The following ITPRIP variants were observed in gnomAD, a reference collection of about 807,000 sequenced individuals.
ITPRIP encodes the protein inositol 1,4,5-trisphosphate receptor interacting protein.
Under a neutral mutation model 35.8 loss-of-function variants are expected in ITPRIP, and 32 were observed. That is an observed-to-expected ratio of 0.89 (90% CI 0.68 to 1.20). The LOEUF (loss-of-function observed/expected upper bound fraction) is 1.20. ITPRIP is among the 50% of genes most tolerant of loss of function. The pLI, the probability that ITPRIP is intolerant of heterozygous loss-of-function variation, is 0.00. For missense variants in ITPRIP, 653 were observed against 735.6 expected (o/e 0.89, Z 1.30); for synonymous variants, 358 against 324.0 (o/e 1.11, Z -1.13).
intron 1 of ITPRIP, among the ~76,000 whole-genome samples, chr10:104,337,120 G>C (rs150289732): frequency 2.4e-4 from 36 of 152,304 alleles, no homozygotes; most frequent in Middle Eastern, 6.8e-3. Context: ...TTCTGTTTTC[G>C]TAAGGAGGAA....
rs980423478 is a variant in ITPRIP at position 104,309,746 on chromosome 10, A to G, written c.*4662T>C. On this transcript the variant is annotated 3_prime_UTR_variant, in exon 2 of 2. Transcript: ENST00000337478. ...AAAAAAGGACTAAAAGGATGCATAT[A>G]TATATACATACATGTGACACATACA... The G allele has an allele frequency of 1.3e-5, 2 of 152,200 alleles. No homozygotes were observed. Among genetic ancestry groups the G allele is most frequent in the Non-Finnish European group, 1.5e-5 (1 of 68,038 alleles). 9.4% of individuals were successfully genotyped at this position (152,200 alleles called of 1,614,324 possible).
At chr10:104,317,928 A>AG (rs2013731819) in intron 1 of ITPRIP, among the ~76,000 whole-genome samples, 1 of 152,208 alleles carries the variant, frequency 6.6e-6, no homozygotes, top group Non-Finnish European at 1.5e-5. Flanking sequence ...GTTCCACCCC[A>AG]TACACAGCTG....
At position 104,315,414 on chromosome 10, in the gene ITPRIP, G is replaced by A; in HGVS notation, c.638C>T (p.Pro213Leu). 6.3e-7 allele frequency: 1 copy of A among 1,588,750 alleles called. No homozygotes were observed. The highest frequency in any genetic ancestry group is 8.6e-7 in the Non-Finnish European group (1 of 1,164,454). ...DRPLLCHLFV[P>L]FTPPEPYRFH... ...GCGGTAGGGCTCGGGGGGTGTGAAG[G>A]GCACGAAAAGGTGGCACAGCAGTGG... is the stretch of plus-strand genomic sequence containing the variant. The change falls in exon 2 of 2, where the codon CCC becomes CTC. Residue 213 changes from proline to leucine, a missense_variant. By Grantham distance (98) the Pro-to-Leu change is moderately conservative. Coordinates refer to ENST00000337478, the MANE Select transcript of ITPRIP (RefSeq NM_001272013.2). This position sits in a 1 kb window ranked among gnomAD's most constrained non-coding sequence, Gnocchi z 5.7.
intron 1 of ITPRIP, among the ~76,000 whole-genome samples, chr10:104,319,792 C>G (rs1382399319): frequency 6.6e-6 from 1 of 151,896 alleles, no homozygotes; most frequent in Non-Finnish European, 1.5e-5. Context: ...GTCCTGCAGG[C>G]CAAGAGGATT....
At position 104,313,811 on chromosome 10, in the gene ITPRIP, G is replaced by A. The variant is rs553396678; in HGVS notation, c.*597C>T. 110 of 985,502 alleles carry A rather than the reference G, an allele frequency of 1.1e-4. No individual in the cohort carries two copies. The South Asian group carries it at 1.5e-3, about 13-fold the overall frequency. The allele number at this position is 985,502 out of a possible 1,614,324, so 61.0% of individuals were successfully genotyped here. On this transcript the variant is annotated 3_prime_UTR_variant, in exon 2 of 2. Transcript: ENST00000337478. ...CGTGTGACAGAGACGTTAGTCATTT[G>A]GGCCTCGAATTTATACAAGGTCTTT...
intron 1 of ITPRIP, among the ~76,000 whole-genome samples, chr10:104,322,417 G>A (rs545033711): frequency 3.2e-4 from 48 of 152,340 alleles, no homozygotes; most frequent in Non-Finnish European, 5.7e-4. Flanking sequence ...GGTTCTCAAC[G>A]TGCTTAGCAG....
intron 1 of ITPRIP, among the ~76,000 whole-genome samples, chr10:104,322,052 T>C (rs2013862476): frequency 6.6e-6 from 1 of 152,074 alleles, no homozygotes; most frequent in Non-Finnish European, 1.5e-5. Flanking sequence ...GAATGAGATG[T>C]GGGGCATAAA....
chr10:104,310,630 A>G lies in ITPRIP; in HGVS notation c.*3778T>C, dbSNP rs796399271. ...AGCAGGGAGGATAAGAATAGCACCT[A>G]CATCATAGGACTGACATGGAACTGT... is the stretch of plus-strand genomic sequence containing the variant. On this transcript the variant is annotated 3_prime_UTR_variant, in exon 2 of 2. Coordinates refer to ENST00000337478, the MANE Select transcript of ITPRIP (RefSeq NM_001272013.2). The G allele has an allele frequency of 5.9e-5, 9 of 152,270 alleles. No homozygotes were observed. Among genetic ancestry groups the G allele is most frequent in the African/African-American group, 1.9e-4 (8 of 41,548 alleles). The allele number at this position is 152,270 out of a possible 1,614,324, so 9.4% of individuals were successfully genotyped here.
chr10:104,328,483 C>T lies in ITPRIP; in HGVS notation c.-14+9763G>A, dbSNP rs2014079128. On this transcript the variant is annotated intron_variant, in intron 1 of 1. Coordinates refer to ENST00000337478, the MANE Select transcript of ITPRIP (RefSeq NM_001272013.2). The surrounding 1 kb of genome is among the most constrained non-coding windows in gnomAD (Gnocchi z 4.1). The stretch of plus-strand genomic sequence containing the variant: ...GCAAAACCACACTTTCTCAGTGGGA[C>T]AGGGAGGGGAGGCTGCACGCTTAGA... 6.6e-6 allele frequency among the ~76,000 whole-genome samples: 1 copy of T among 152,118 alleles called. No individual in the cohort carries two copies. Among genetic ancestry groups the T allele is most frequent in the South Asian group, 2.1e-4 (1 of 4,826 alleles).
chr10:104,329,815 C>G (rs1422439096), intron 1 of ITPRIP, among the ~76,000 whole-genome samples: 1 of 152,208 alleles, frequency 6.6e-6, no homozygotes, highest in African/African-American at 2.4e-5. Context: ...AGTCACTCGG[C>G]AGTGCTTGGT....
chr10:104,321,042 G>A (rs2013832827), intron 1 of ITPRIP, among the ~76,000 whole-genome samples: 1 of 152,170 alleles, frequency 6.6e-6, no homozygotes, highest in African/African-American at 2.4e-5. Flanking sequence ...GGGTAGTGAG[G>A]AGCCTCTCAC....
intron 1 of ITPRIP, among the ~76,000 whole-genome samples, chr10:104,334,385 T>C (rs188352149): frequency 1.8e-3 from 267 of 152,318 alleles, no homozygotes; most frequent in Non-Finnish European, 1.9e-3. Flanking sequence ...ATGCTTGGCT[T>C]TCTATTGATC....
At chr10:104,318,437 C>T (rs569015705) in intron 1 of ITPRIP, among the ~76,000 whole-genome samples, 1 of 152,196 alleles carries the variant, frequency 6.6e-6, no homozygotes, top group Non-Finnish European at 1.5e-5. Context: ...TGACCAGTCA[C>T]AGTAATAGCC....
At chr10:104,322,024 G>A (rs545505605) in intron 1 of ITPRIP, among the ~76,000 whole-genome samples, 2 of 152,288 alleles carry the variant, frequency 1.3e-5, no homozygotes, top group Admixed American at 6.5e-5. Context: ...CAGCCACTAC[G>A]TATGGAGTCC....
At chr10:104,324,830 C>CT (rs1224747677) in intron 1 of ITPRIP, among the ~76,000 whole-genome samples, 2 of 152,240 alleles carry the variant, frequency 1.3e-5, no homozygotes, top group African/African-American at 4.8e-5. Flanking sequence ...ATGACAAGAT[C>CT]TTTTTTTTCC....
Position 104,328,404 on chromosome 10 carries a change from TC to T in ITPRIP, c.-14+9841del. On this transcript the variant is annotated intron_variant, in intron 1 of 1. Transcript: ENST00000337478. This position sits in a 1 kb window ranked among gnomAD's most constrained non-coding sequence, Gnocchi z 4.1. ...CCAAGAGTCGTCCCCTTTCTCTCTC[TC>T]CACCCCATGATCTACACACCCCCTG... is the stretch of plus-strand genomic sequence containing the variant. 8.9e-6 allele frequency: 4 copies of T among 451,636 alleles called. No homozygotes were observed. In the South Asian group the frequency reaches 3.9e-4, roughly 44 times the overall value. 28.0% of individuals were successfully genotyped at this position (451,636 alleles called of 1,614,324 possible).
rs761327165 is a variant in ITPRIP, at chr10:104,314,733, A to G, written c.1319T>C (p.Leu440Pro). The G allele has an allele frequency of 4.3e-6, 7 of 1,613,802 alleles. No individual in the cohort carries two copies. In the Admixed American group the frequency reaches 1.2e-4, roughly 27 times the overall value. Residue 440 changes from leucine to proline, a missense_variant, in exon 2 of 2, where the codon CTC becomes CCC. Transcript: ENST00000337478. ...GTCGGCGGCCTGCCGGAGGAGTAGG[A>G]GGTGCAGTAGGGCCGTCTTCAGGTG... Reference protein sequence around the residue: ...SYHLKTALLHLLLLRQAADWK... With the variant: ...SYHLKTALLHPLLLRQAADWK...
intron 1 of ITPRIP, among the ~76,000 whole-genome samples, chr10:104,336,180 C>T (rs1208128532): frequency 3.3e-5 from 5 of 152,138 alleles, no homozygotes; most frequent in Non-Finnish European, 7.4e-5. Context: ...CTAATTCATG[C>T]GAAGGACTGA....
Position 104,319,240 on chromosome 10 carries a change from A to C in ITPRIP, c.-13-3176T>G, listed in dbSNP as rs181878081. ...CTTCCTCCTTCACAGGGATGTTGGG[A>C]CGGGTGAGTGAGATCATACACCTTG... On this transcript the variant is annotated intron_variant, in intron 1 of 1. Coordinates refer to ENST00000337478, the MANE Select transcript of ITPRIP (RefSeq NM_001272013.2). Among the ~76,000 whole-genome samples the C allele has an allele frequency of 1.7e-4, 26 of 152,252 alleles. No homozygotes were observed. In the East Asian group the frequency reaches 4.1e-3, roughly 24 times the overall value.
Sources: gnomAD v4.1 joint callset for allele counts (sites outside exome capture counted in the v4.1 genomes callset) on GRCh38, gnomAD v4.1.1 for gene constraint, Gnocchi (gnomAD v3.1) non-coding constraint, MANE v1.5 for transcripts, NCBI Gene and HGNC (gene_info 2026-07-23, HGNC 2026-07-21) for gene names.